Variants in PSD3 observed in about 807,000 individuals in gnomAD.
PSD3 encodes PH and SEC7 domain-containing protein 3.
PSD3 carries 49 observed loss-of-function variants against 105.5 expected under a neutral mutation model. That is an observed-to-expected ratio of 0.46 (90% CI 0.37 to 0.59). PSD3 has a LOEUF of 0.59. PSD3 is among the 20% of genes least tolerant of loss of function. PSD3 has a pLI of 0.00. For synonymous variants in PSD3, 557 were observed against 457.8 expected, an observed-to-expected ratio of 1.22 and a Z score of -2.77; for missense variants, 1,561 against 1,263.8, an observed-to-expected ratio of 1.24 and a Z score of -3.57.
At chr8:18,749,428 T>C (rs1183848933) in intron 9 of PSD3, among the ~76,000 whole-genome samples, 6 of 152,250 alleles carry the variant, frequency 3.9e-5, no homozygotes, top group African/African-American at 9.6e-5. Context: ...CAGTATTTTA[T>C]ACGTAATTCC....
At chr8:18,832,953 C>T (rs1439376210) in intron 4 of PSD3, among the ~76,000 whole-genome samples, 1 of 152,166 alleles carries the variant, frequency 6.6e-6, no homozygotes, top group East Asian at 1.9e-4. Context: ...GGTGGGGACA[C>T]AGCCAAACCA....
In PSD3 at chr8:18,826,462, A is replaced by G. The variant is rs143095963; in HGVS notation, c.1635-21564T>C. ...TAACTTGCCTAGTCCAACTTACTATATGGCTCATCAAACAGCACATCTTAT... is the reference window on the plus strand; with the variant it reads ...TAACTTGCCTAGTCCAACTTACTATGTGGCTCATCAAACAGCACATCTTAT... On this transcript the variant is annotated intron_variant, in intron 4 of 15. Coordinates refer to ENST00000327040, the MANE Select transcript of PSD3 (RefSeq NM_015310.4). 2.0e-5 allele frequency among the ~76,000 whole-genome samples: 3 copies of G among 152,318 alleles called. No individual in the cohort carries two copies. The East Asian group carries it at 5.8e-4, about 29-fold the overall frequency.
intron 4 of PSD3, among the ~76,000 whole-genome samples, chr8:18,861,682 T>C (rs1367906316): frequency 1.3e-5 from 2 of 152,204 alleles, no homozygotes; most frequent in African/African-American, 4.8e-5. Context: ...CTTGCATCTT[T>C]CTTTTTACCA....
intron 2 of PSD3, among the ~76,000 whole-genome samples, chr8:18,889,679 G>A (rs866063423): frequency 1.1e-4 from 16 of 152,226 alleles, no homozygotes; most frequent in Middle Eastern, 3.4e-3. Context: ...CTGTGATCCC[G>A]TGCAATGTAC....
intron 1 of PSD3, among the ~76,000 whole-genome samples, chr8:18,971,003 A>G (rs145379196): frequency 6.6e-6 from 1 of 151,936 alleles, no homozygotes; most frequent in Non-Finnish European, 1.5e-5. Context: ...AAGACAAAAA[A>G]TTCCTAACTG....
intron 15 of PSD3, among the ~76,000 whole-genome samples, chr8:18,545,609 G>C (rs1428811718): frequency 6.6e-6 from 1 of 152,194 alleles, no homozygotes; most frequent in Non-Finnish European, 1.5e-5. Flanking sequence ...ATAAAAGTTT[G>C]TCACTCATTA....
At chr8:18,985,736 T>TA (rs936025868) in intron 1 of PSD3, among the ~76,000 whole-genome samples, 55 of 152,258 alleles carry the variant, frequency 3.6e-4, no homozygotes, top group Non-Finnish European at 5.9e-4. Context: ...CACTTATCAG[T>TA]AAAAAATCAT....
At chr8:18,771,863 C>T (rs11203995) in intron 8 of PSD3, among the ~76,000 whole-genome samples, 66,982 of 152,128 alleles carry the variant, frequency 0.44, 17,529 homozygotes, top group Non-Finnish European at 0.59. Flanking sequence ...ATCTCAAACT[C>T]TATACCCATT....
chr8:18,827,261 A>C (rs1264995189), intron 4 of PSD3, among the ~76,000 whole-genome samples: 5 of 152,344 alleles, frequency 3.3e-5, no homozygotes, highest in African/African-American at 1.2e-4. Context: ...GTTACACCAC[A>C]CACAACCCTG....
At chr8:18,863,200 G>C (rs969032817) in intron 4 of PSD3, among the ~76,000 whole-genome samples, 4 of 152,192 alleles carry the variant, frequency 2.6e-5, no homozygotes, top group Non-Finnish European at 5.9e-5. Flanking sequence ...AATGGAAATG[G>C]ACAATATCCA....
chr8:18,714,376 C>T (rs1007295553), intron 9 of PSD3, among the ~76,000 whole-genome samples: 4 of 150,950 alleles, frequency 2.6e-5, no homozygotes, highest in Admixed American at 6.6e-5. Context: ...TTGAAACATC[C>T]GTTTGACAAA....
intron 11 of PSD3, among the ~76,000 whole-genome samples, chr8:18,605,787 A>T (rs544057637): frequency 6.6e-6 from 1 of 152,228 alleles, no homozygotes; most frequent in South Asian, 2.1e-4. Context: ...CATGATAGTG[A>T]ATGAGTGCTC....
At chr8:18,596,650 A>G (rs531663453) in intron 12 of PSD3, among the ~76,000 whole-genome samples, 1 of 152,242 alleles carries the variant, frequency 6.6e-6, no homozygotes, top group African/African-American at 2.4e-5. Context: ...AGGTATTGCA[A>G]TTGATGCCAC....
rs1799741682 is a variant in PSD3 at position 18,534,213 on chromosome 8, G to C, written c.*1530C>G. 6.6e-6 allele frequency: 1 copy of C among 152,504 alleles called. No individual in the cohort carries two copies. The highest frequency in any genetic ancestry group is 2.4e-5 in the African/African-American group (1 of 41,404). The allele number at this position is 152,504 out of a possible 1,614,324, so 9.4% of individuals were successfully genotyped here. On this transcript the variant is annotated 3_prime_UTR_variant, in exon 16 of 16. Transcript: ENST00000327040. ...TCAACAAATAAACTATAGAACTAGA[G>C]AAACTTTCTAAGGGAGGAAAAAGAA...
intron 1 of PSD3, among the ~76,000 whole-genome samples, chr8:19,009,006 TAGAAATTAAAA>T: frequency 6.6e-6 from 1 of 152,230 alleles, no homozygotes; most frequent in East Asian, 1.9e-4. Context: ...GAAATTAAAT[TAGAAATTAAAA>T]AGAAATTAAA....
intron 2 of PSD3, among the ~76,000 whole-genome samples, chr8:18,888,763 C>T (rs1818592988): frequency 6.6e-6 from 1 of 152,220 alleles, no homozygotes; most frequent in East Asian, 1.9e-4. Flanking sequence ...CTAACCAGTC[C>T]GTGAATCACC....
intron 9 of PSD3, among the ~76,000 whole-genome samples, chr8:18,722,611 T>C (rs1469092459): frequency 6.6e-6 from 1 of 152,210 alleles, no homozygotes; most frequent in African/African-American, 2.4e-5. Context: ...AATAAATGTA[T>C]CTAAATATAA....
intron 10 of PSD3, among the ~76,000 whole-genome samples, chr8:18,636,749 A>C (rs1807281819): frequency 6.6e-6 from 1 of 152,210 alleles, no homozygotes; most frequent in African/African-American, 2.4e-5. Context: ...TTGTGTTACT[A>C]CTGCCTATAG....
chr8:18,560,074 T>C (rs1801304154), intron 14 of PSD3, among the ~76,000 whole-genome samples: 1 of 152,118 alleles, frequency 6.6e-6, no homozygotes, highest in African/African-American at 2.4e-5. Context: ...TCTGTCCATT[T>C]TGAACAGTGA....
Sources: gnomAD v4.1 joint callset for allele counts (sites outside exome capture counted in the v4.1 genomes callset) on GRCh38, gnomAD v4.1.1 for gene constraint, MANE v1.5 for transcripts, NCBI Gene and HGNC (gene_info 2026-07-23, HGNC 2026-07-21) for gene names.